GALNTL6: variants seen among roughly 807,000 people sequenced by gnomAD.
The protein encoded by GALNTL6 is polypeptide N-acetylgalactosaminyltransferase-like 6.
In GALNTL6, 46 loss-of-function variants were observed where a neutral mutation model predicts 73.7. That is an observed-to-expected ratio of 0.62 (90% confidence interval 0.49 to 0.80). The LOEUF is 0.80. Ranked by LOEUF, GALNTL6 falls within the 30% of genes least tolerant of loss-of-function variation. GALNTL6 has a pLI of 0.00. For missense variants in GALNTL6, 604 were observed against 755.0 expected (o/e 0.80, Z 2.34); for synonymous variants, 259 against 263.7 (o/e 0.98, Z 0.17).
chr4:172,321,758 G>A (rs1409045335), intron 4 of GALNTL6, among the ~76,000 whole-genome samples: 2 of 152,104 alleles, frequency 1.3e-5, no homozygotes, highest in Non-Finnish European at 2.9e-5. Context: ...AGGTAGTAAG[G>A]CAGACAAAAG....
chr4:172,664,466 C>A (rs1340947886), intron 5 of GALNTL6, among the ~76,000 whole-genome samples: 1 of 152,184 alleles, frequency 6.6e-6, no homozygotes, highest in Non-Finnish European at 1.5e-5. Flanking sequence ...TGCTTTATAA[C>A]ACCCAAATCT....
chr4:172,007,181 A>T (rs757989940), intron 2 of GALNTL6, among the ~76,000 whole-genome samples: 2 of 152,146 alleles, frequency 1.3e-5, no homozygotes, highest in African/African-American at 2.4e-5. Flanking sequence ...AAGAACATGT[A>T]ATTAATTCAT....
chr4:172,160,268 A>G (rs1033209856), intron 2 of GALNTL6, among the ~76,000 whole-genome samples: 1 of 151,976 alleles, frequency 6.6e-6, no homozygotes, highest in Non-Finnish European at 1.5e-5. Flanking sequence ...ATGGACATGG[A>G]TGAATATACC....
chr4:172,218,800 G>A (rs1348215872), intron 2 of GALNTL6, among the ~76,000 whole-genome samples: 1 of 151,868 alleles, frequency 6.6e-6, no homozygotes, highest in African/African-American at 2.4e-5. Context: ...AGATCTGAAT[G>A]TTAATAACAA....
At chr4:171,892,507 TCTC>T (rs1295308219) in intron 2 of GALNTL6, among the ~76,000 whole-genome samples, 1 of 152,192 alleles carries the variant, frequency 6.6e-6, no homozygotes, top group Non-Finnish European at 1.5e-5. Flanking sequence ...TATGTTTTCT[TCTC>T]ATCATCCTCC....
chr4:172,443,127 T>TAC (rs1319501254), intron 5 of GALNTL6, among the ~76,000 whole-genome samples: 3 of 89,400 alleles, frequency 3.4e-5, no homozygotes, highest in Non-Finnish European at 6.2e-5. Flanking sequence ...TATACATATA[T>TAC]ATATATATAT....
chr4:172,670,657 A>C (rs866064863), intron 5 of GALNTL6, among the ~76,000 whole-genome samples: 2 of 152,210 alleles, frequency 1.3e-5, no homozygotes, highest in South Asian at 4.1e-4. Context: ...TAGTTTAACT[A>C]GATCCCATTT....
chr4:171,929,951 A>T (rs1159676577), intron 2 of GALNTL6, among the ~76,000 whole-genome samples: 1 of 152,170 alleles, frequency 6.6e-6, no homozygotes, highest in Non-Finnish European at 1.5e-5. Flanking sequence ...TCCCCAGAAA[A>T]TCTGTCACTG....
At chr4:172,248,618 C>T (rs556214353) in intron 3 of GALNTL6, among the ~76,000 whole-genome samples, 195 of 152,230 alleles carry the variant, frequency 1.3e-3, no homozygotes, top group African/African-American at 4.5e-3. Context: ...GGCTGTGTCC[C>T]CACCCAAAGC....
At chr4:172,626,269 T>G (rs1355170247) in intron 5 of GALNTL6, among the ~76,000 whole-genome samples, 1 of 152,126 alleles carries the variant, frequency 6.6e-6, no homozygotes, top group African/African-American at 2.4e-5. Flanking sequence ...ATATATTGAA[T>G]AGAAAGTCCT....
chr4:172,448,136 A>G (rs1190112286), intron 5 of GALNTL6, among the ~76,000 whole-genome samples: 2 of 152,144 alleles, frequency 1.3e-5, no homozygotes, highest in African/African-American at 4.8e-5. Context: ...TCAGGAATAG[A>G]GCCAGCGCTA....
chr4:172,495,888 G>A (rs1459960488), intron 5 of GALNTL6, among the ~76,000 whole-genome samples: 3 of 152,196 alleles, frequency 2.0e-5, no homozygotes, highest in Admixed American at 2.0e-4. Context: ...AATTCAAAAT[G>A]TGGTGGTGAA....
chr4:172,440,911 CTTA>C (rs1470295812), intron 5 of GALNTL6, among the ~76,000 whole-genome samples: 22 of 151,986 alleles, frequency 1.4e-4, no homozygotes, highest in African/African-American at 2.7e-4. Context: ...TTACTGTTAG[CTTA>C]TTATAATTCA....
At chr4:172,668,693 C>T (rs1402374743) in intron 5 of GALNTL6, 1 of 152,088 alleles carries the variant, frequency 6.6e-6, no homozygotes, top group Non-Finnish European at 1.5e-5. Flanking sequence ...CCTCTTTTCT[C>T]TTTTGATATT....
At chr4:172,327,117 A>T (rs1740970303) in intron 4 of GALNTL6, among the ~76,000 whole-genome samples, 1 of 152,134 alleles carries the variant, frequency 6.6e-6, no homozygotes, top group South Asian at 2.1e-4. Flanking sequence ...AATAACTAAC[A>T]ACATAATTAT....
chr4:171,850,460 G>A (rs1735494363), intron 2 of GALNTL6, among the ~76,000 whole-genome samples: 1 of 152,172 alleles, frequency 6.6e-6, no homozygotes, highest in Non-Finnish European at 1.5e-5. Context: ...CAGTTAATCA[G>A]CATCTGGTGG....
chr4:173,001,818 C>T (rs948249220), intron 10 of GALNTL6, among the ~76,000 whole-genome samples: 1 of 152,136 alleles, frequency 6.6e-6, no homozygotes, highest in Non-Finnish European at 1.5e-5. Flanking sequence ...CAATGAAATA[C>T]CAGTTTACAT....
intron 5 of GALNTL6, among the ~76,000 whole-genome samples, chr4:172,767,047 T>C (rs1052030089): frequency 6.6e-6 from 1 of 152,218 alleles, no homozygotes; most frequent in Non-Finnish European, 1.5e-5. Flanking sequence ...TTCAGCACTA[T>C]GCAATTTGCA....
intron 4 of GALNTL6, among the ~76,000 whole-genome samples, chr4:172,319,494 A>C (rs112806774): frequency 0.026 from 3,983 of 152,228 alleles, 146 homozygotes; most frequent in African/African-American, 0.084. Flanking sequence ...GCACCTAAAA[A>C]CTATTAATTT....
Sources: gnomAD v4.1 joint callset for allele counts (sites outside exome capture counted in the v4.1 genomes callset) on GRCh38, gnomAD v4.1.1 for gene constraint, MANE v1.5 for transcripts, NCBI Gene and HGNC (gene_info 2026-07-23, HGNC 2026-07-21) for gene names.